KRT33A: variants seen among roughly 807,000 people sequenced by gnomAD.
The protein encoded by KRT33A is keratin 33A.
Under a neutral mutation model 41.1 loss-of-function variants are expected in KRT33A, and 44 were observed. The ratio of observed to expected loss-of-function variants is 1.07; its 90% CI spans 0.84 to 1.38. The LOEUF (loss-of-function observed/expected upper bound fraction) is 1.38, where lower values mean the gene tolerates loss of function less well. Among genes scored for constraint, KRT33A ranks in the 40% most tolerant of loss-of-function variants. The probability of loss-of-function intolerance (pLI) is 0.00; values close to 1 mark genes in which losing one functional copy is unlikely to be tolerated. For missense variants in KRT33A, 536 were observed against 518.5 expected (o/e 1.03, Z -0.33); for synonymous variants, 229 against 227.8 (o/e 1.01, Z -0.05).
chr17:41,350,279 A>T, intron 1 of KRT33A, 141 bp downstream of exon 1: 1 of 903,486 alleles, frequency 1.1e-6, no homozygotes, highest in Non-Finnish European at 1.7e-6. Flanking sequence ...GTCTAGTATT[A>T]GATGGGCCCT....
chr17:41,346,582 C>A lies in KRT33A; in HGVS notation c.963G>T (p.Val321=). 1 of 1,614,240 alleles carries A rather than the reference C, an allele frequency of 6.2e-7. No individual in the cohort carries two copies. Among genetic ancestry groups the A allele is most frequent in the Non-Finnish European group, 8.5e-7 (1 of 1,180,044 alleles). ...LSQVQRLITN[V]ESQLAEIRSD... Reference sequence around the variant, plus strand: ...TGCGGATCTCCGCCAGCTGGGACTCCACGTTGGTGATCAGTCTCTGCACCT... The same window carrying A: ...TGCGGATCTCCGCCAGCTGGGACTCAACGTTGGTGATCAGTCTCTGCACCT... Residue 321 remains valine, a synonymous_variant, in exon 6 of 7, where the codon GTG becomes GTT. Transcript: ENST00000007735.
In KRT33A at chr17:41,346,493, C is replaced by T. The variant is rs770719612; in HGVS notation, c.1052G>A (p.Cys351Tyr). Residue 351 changes from cysteine (C) to tyrosine (Y), a missense_variant, in exon 6 of 7, where the codon TGT (cysteine) becomes TAT (tyrosine). Cys to Tyr is a radical substitution (Grantham distance 194). Transcript: ENST00000007735. ...VLLDVRARLE[C>Y]EINTYRSLLE... Reference sequence around the variant, plus strand: ...CAGGCTCCGGTACGTGTTGATCTCACACTCCAGCCGCGCCCGCACGTCCAG... The same window carrying T: ...CAGGCTCCGGTACGTGTTGATCTCATACTCCAGCCGCGCCCGCACGTCCAG... 4.3e-6 allele frequency: 7 copies of T among 1,613,594 alleles called. No homozygotes were observed. In the South Asian group the frequency reaches 7.7e-5, roughly 18 times the overall value.
intron 2 of KRT33A, among the ~76,000 whole-genome samples, chr17:41,349,131 T>C (rs867868640): frequency 1.3e-5 from 2 of 152,022 alleles, no homozygotes; most frequent in South Asian, 4.2e-4. Flanking sequence ...CGACTAGGGG[T>C]GTCACGTCAC....
In KRT33A at chr17:41,347,066, T is replaced by C; in HGVS notation, c.745A>G (p.Thr249Ala). ...NRREVEQWFA[T>A]QTEELNKQVV... ...CCACGTGCTTAGATGCCCACCTGCG[T>C]GGCGAACCATTGCTCCACTTCCCTG... The change falls in exon 4 of 7, where the codon ACG (threonine) becomes GCG (alanine). Residue 249 changes from threonine to alanine, a missense_variant. Thr to Ala is a moderately conservative substitution (Grantham distance 58, BLOSUM62 0). Transcript: ENST00000007735. 6.2e-7 allele frequency: 1 copy of C among 1,613,602 alleles called. No homozygotes were observed. Among genetic ancestry groups the C allele is most frequent in the South Asian group, 1.1e-5 (1 of 91,020 alleles).
In KRT33A at chr17:41,349,336, G is replaced by T. The variant is rs1443253665; in HGVS notation, c.431+10C>A. ...AGAAATAAACAGCAACACCCCGCTT[G>T]CCCACTCACTTGGTCCTGAAGTCAT... On this transcript the variant is annotated intron_variant, in intron 2 of 6. Coordinates refer to ENST00000007735, the MANE Select transcript of KRT33A (RefSeq NM_004138.4). 1.1e-5 allele frequency: 18 copies of T among 1,613,390 alleles called. No homozygotes were observed. Among genetic ancestry groups the T allele is most frequent in the Non-Finnish European group, 1.5e-5 (18 of 1,179,412 alleles).
rs149308293 is a variant in KRT33A at position 41,346,597 on chromosome 17, T to G, written c.948A>C (p.Arg316Ser). 6.3e-4 allele frequency: 1,012 copies of G among 1,614,170 alleles called. 1 individual carries two copies. In the East Asian group the frequency reaches 6.4e-3, roughly 10 times the overall value. ...RYSSQLSQVQ[R>S]LITNVESQLA... Reference sequence around the variant, plus strand: ...GCTGGGACTCCACGTTGGTGATCAGTCTCTGCACCTGGGACAGCTGGGAGC... The same window carrying G: ...GCTGGGACTCCACGTTGGTGATCAGGCTCTGCACCTGGGACAGCTGGGAGC... The change falls in exon 6 of 7, where the codon AGA becomes AGC. Residue 316 changes from arginine to serine, a missense_variant. Transcript: ENST00000007735.
chr17:41,346,113 G>T lies in KRT33A; in HGVS notation c.*6C>A. ...TGCCTTTCTTCTCCTCCTGGTTGTG[G>T]GGCCTCTAGTACCCAAATGTGTTGC... On this transcript the variant is annotated 3_prime_UTR_variant, in exon 7 of 7. Transcript: ENST00000007735. 3 of 1,589,192 alleles carry T rather than the reference G, an allele frequency of 1.9e-6. No individual in the cohort carries two copies. Among genetic ancestry groups the T allele is most frequent in the Non-Finnish European group, 2.6e-6 (3 of 1,157,624 alleles).
chr17:41,347,044 C>G lies in KRT33A; in HGVS notation c.750+17G>C. On this transcript the variant is annotated intron_variant, in intron 4 of 6. Transcript: ENST00000007735. ...GGGGGCCTCGGGTCCTGAGTGGCCA[C>G]GTGCTTAGATGCCCACCTGCGTGGC... The G allele has an allele frequency of 1.2e-6, 2 of 1,612,284 alleles. No individual in the cohort carries two copies. The highest frequency in any genetic ancestry group is 1.7e-4 in the Middle Eastern group (1 of 6,040).
chr17:41,346,096 T>C lies in KRT33A; in HGVS notation c.*23A>G. 1 of 1,524,290 alleles carries C rather than the reference T, an allele frequency of 6.6e-7. No homozygotes were observed. The highest frequency in any genetic ancestry group is 9.1e-7 in the Non-Finnish European group (1 of 1,098,816). 94.4% of individuals were successfully genotyped at this position (1,524,290 alleles called of 1,614,324 possible). A position where few individuals can be genotyped will look rare whatever the true frequency, so the allele number is the denominator to read the frequency against. ...AGTTGAGGTGTGACTGATGCCTTTC[T>C]TCTCCTCCTGGTTGTGGGGCCTCTA... On this transcript the variant is annotated 3_prime_UTR_variant, in exon 7 of 7. Transcript: ENST00000007735.
rs1344332066 is a variant in KRT33A at position 41,350,691 on chromosome 17, C to T, written c.77G>A (p.Cys26Tyr). The T allele has an allele frequency of 6.2e-7, 1 of 1,612,134 alleles. No homozygotes were observed. The highest frequency in any genetic ancestry group is 8.5e-7 in the Non-Finnish European group (1 of 1,179,958). Residue 26 changes from cysteine (C) to tyrosine (Y), a missense_variant, in exon 1 of 7, where the codon TGC becomes TAC. Cys to Tyr is a radical substitution (Grantham distance 194, BLOSUM62 -2). Coordinates refer to ENST00000007735, the MANE Select transcript of KRT33A (RefSeq NM_004138.4). ...CSSRPCVPPS[C>Y]HGCTLPGACN... Reference sequence around the variant, plus strand: ...GGCCCCGGGCAGGGTGCAGCCGTGGCAGCTGGGGGGCACACAGGGCCGGGA... The same window carrying T: ...GGCCCCGGGCAGGGTGCAGCCGTGGTAGCTGGGGGGCACACAGGGCCGGGA...
At position 41,350,454 on chromosome 17, in the gene KRT33A, G is replaced by A. The variant is rs755761255; in HGVS notation, c.314C>T (p.Ser105Phe). 19 of 1,613,930 alleles carry A rather than the reference G, an allele frequency of 1.2e-5. No homozygotes were observed. Among genetic ancestry groups the A allele is most frequent in the African/African-American group, 2.7e-5 (2 of 74,870 alleles). The change falls in exon 1 of 7, where the codon TCC (serine) becomes TTC (phenylalanine). Residue 105 changes from serine to phenylalanine, a missense_variant. Ser to Phe is a radical substitution (Grantham distance 155). Coordinates refer to ENST00000007735, the MANE Select transcript of KRT33A (RefSeq NM_004138.4). Reference sequence around the variant, plus strand: ...GAGCTCCTCAATGGTCTTGAAGTAGGACTGGTAGCTGGCACACACCAAGGG... The same window carrying A: ...GAGCTCCTCAATGGTCTTGAAGTAGAACTGGTAGCTGGCACACACCAAGGG... ...QEPLVCASYQ[S>F]YFKTIEELQQ...
chr17:41,350,365 T>C (rs1323542714), intron 1 of KRT33A, 55 bp downstream of exon 1: 1 of 1,578,866 alleles, frequency 6.3e-7, no homozygotes, highest in Non-Finnish European at 8.6e-7. Context: ...CAATCACAAC[T>C]CGGATTCTCT....
chr17:41,350,518 G>A lies in KRT33A; in HGVS notation c.250C>T (p.Leu84=). 2 of 1,614,116 alleles carry A rather than the reference G, an allele frequency of 1.2e-6. No homozygotes were observed. The highest frequency in any genetic ancestry group is 2.2e-5 in the South Asian group (2 of 91,082). ...GACCGCTCCCGGATGAGGTTCTCCA[G>A]CTCCGCGTTGTCCCGCTCCAGCTGA... ...VRQLERDNAE[L]ENLIRERSQQ... is the part of the protein sequence containing the mutation. The change falls in exon 1 of 7, where the codon CTG becomes TTG. Residue 84 remains leucine, a synonymous_variant. Coordinates refer to ENST00000007735, the MANE Select transcript of KRT33A (RefSeq NM_004138.4).
Position 41,346,157 on chromosome 17 carries a change from G to C in KRT33A, c.1177C>G (p.Arg393Gly), listed in dbSNP as rs79843431. ...GTGTTGCAAGGCCCACACCGAGCAC[G>C]TAGGCCACAGGGATTAGAGATACAG... ...GPCISNPCGLRARCGPCNTFG... is the reference protein window; with the variant it reads ...GPCISNPCGLGARCGPCNTFG... The change falls in exon 7 of 7, where the codon CGT becomes GGT. Residue 393 changes from arginine to glycine, a missense_variant. By Grantham distance (125) the Arg-to-Gly change is moderately radical. Coordinates refer to ENST00000007735, the MANE Select transcript of KRT33A (RefSeq NM_004138.4). 8.7e-6 allele frequency: 14 copies of C among 1,613,998 alleles called. No individual in the cohort carries two copies. The African/African-American group carries it at 1.2e-4, about 14-fold the overall frequency.
At chr17:41,346,266 A>G in intron 6 of KRT33A, 30 bp from the exon 7 acceptor site, 2 of 1,603,388 alleles carry the variant, frequency 1.2e-6, no homozygotes, top group African/African-American at 1.3e-5. Flanking sequence ...GGAGCAAGTT[A>G]GAGTAAAATG....
At position 41,348,562 on chromosome 17, in the gene KRT33A, GT is replaced by G; in HGVS notation, c.508del (p.Thr170ProfsTer14). On this transcript the variant is annotated frameshift_variant, in exon 3 of 7. Transcript: ENST00000007735. LOFTEE classifies it high-confidence loss of function. ...NGLRRILDEL[T>X]LCRSDLEAQV... is the part of the protein sequence containing the mutation. ...GGCCTCCAGGTCAGACCTGCACAGG[GT>G]CAGCTCATCCAGGATCCTGCGCAGG... 6.2e-7 allele frequency: 1 copy of G among 1,613,940 alleles called. No individual in the cohort carries two copies. Among genetic ancestry groups the G allele is most frequent in the Non-Finnish European group, 8.5e-7 (1 of 1,179,990 alleles).
chr17:41,350,337 A>G (rs1185220034), intron 1 of KRT33A, 83 bp downstream of exon 1: 3 of 1,506,380 alleles, frequency 2.0e-6, no homozygotes, highest in Non-Finnish European at 2.7e-6. Context: ...ATTCACATCA[A>G]GAGCTTACGT....
intron 1 of KRT33A, 129 bp downstream of exon 1, chr17:41,350,291 A>G (rs1286999944): frequency 1.7e-6 from 2 of 1,174,244 alleles, no homozygotes; most frequent in African/African-American, 1.5e-5. Context: ...ATGGGCCCTC[A>G]AAAAACAAAA....
At chr17:41,346,271 A>C in intron 6 of KRT33A, 35 bp from the exon 7 acceptor site, 1 of 1,600,224 alleles carries the variant, frequency 6.2e-7, no homozygotes, top group Non-Finnish European at 8.6e-7. Flanking sequence ...AAGTTAGAGT[A>C]AAATGAGCTG....
Sources: allele counts gnomAD v4.1 joint callset (sites outside exome capture counted in the v4.1 genomes callset), GRCh38; gene constraint gnomAD v4.1.1; transcripts MANE v1.5; gene names NCBI Gene and HGNC (gene_info 2026-07-23, HGNC 2026-07-21).